MTR: variants seen among roughly 807,000 people sequenced by gnomAD.
MTR encodes 5-methyltetrahydrofolate-homocysteine methyltransferase, also known as methionine synthase.
A neutral mutation model predicts 154.8 loss-of-function variants in MTR; 84 were observed. That is an observed-to-expected ratio of 0.54 (90% CI 0.45 to 0.65). MTR has a LOEUF of 0.65. Among genes scored for constraint, MTR ranks in the 30% least tolerant of loss-of-function variants. The pLI is 0.00. For missense variants in MTR, 1,275 were observed against 1,570.2 expected (o/e 0.81, Z 3.18); for synonymous variants, 554 against 553.9 (o/e 1.00, Z 0.00).
At chr1:236,870,400 G>T (rs1357340006) in intron 22 of MTR, among the ~76,000 whole-genome samples, 12 of 152,176 alleles carry the variant, frequency 7.9e-5, no homozygotes, top group Non-Finnish European at 1.8e-4. Flanking sequence ...CTCAGCCCTT[G>T]GACCTCTTCT....
chr1:236,795,407 C>T lies in MTR; in HGVS notation c.-297C>T, dbSNP rs1439331493. 6.9e-7 allele frequency: 1 copy of T among 1,451,184 alleles called. No individual in the cohort carries two copies. Among genetic ancestry groups the T allele is most frequent in the Non-Finnish European group, 9.2e-7 (1 of 1,092,398 alleles). 89.9% of individuals were successfully genotyped at this position (1,451,184 alleles called of 1,614,324 possible). On this transcript the variant is annotated 5_prime_UTR_variant, in exon 1 of 33. Coordinates refer to ENST00000366577, the MANE Select transcript of MTR (RefSeq NM_000254.3). Reference sequence around the variant, plus strand: ...CCTTTTCCGTGCCGTCCCGCGACTCCGCCTCTGGCCGCGCGTGTCTGGCTG... The same window carrying T: ...CCTTTTCCGTGCCGTCCCGCGACTCTGCCTCTGGCCGCGCGTGTCTGGCTG...
chr1:236,795,711 C>T lies in MTR; in HGVS notation c.8C>T (p.Pro3Leu), dbSNP rs1558264971. 6.2e-7 allele frequency: 1 copy of T among 1,614,184 alleles called. No individual in the cohort carries two copies. Among genetic ancestry groups the T allele is most frequent in the Non-Finnish European group, 8.5e-7 (1 of 1,180,040 alleles). The change falls in exon 1 of 33, where the codon CCC (proline) becomes CTC (leucine). Residue 3 changes from proline (P) to leucine (L), a missense_variant. Pro to Leu is a moderately conservative substitution (Grantham distance 98). Transcript: ENST00000366577. The part of the protein sequence containing the change: MS[P>L]ALQDLSQPEG... Reference sequence around the variant, plus strand: ...AGGAGGAGACTCGACAACATGTCACCCGCGCTCCAAGACCTGTCGCAACCC... The same window carrying T: ...AGGAGGAGACTCGACAACATGTCACTCGCGCTCCAAGACCTGTCGCAACCC...
At chr1:236,852,715 C>CT (rs1663980712) in intron 17 of MTR, 78 bp downstream of exon 17, 1 of 1,325,402 alleles carries the variant, frequency 7.5e-7, no homozygotes, top group African/African-American at 1.4e-5. Context: ...GGCATGCAGG[C>CT]TAAGTCCGGC....
rs546418102 is a variant in MTR, at chr1:236,900,127, T to A, written c.*2483T>A. ...ATGTGTAAGAATGTTCATAGTTACA[T>A]ATTTATAATAGTTAATAACTGGAAA... is the stretch of plus-strand genomic sequence containing the variant. On this transcript the variant is annotated 3_prime_UTR_variant, in exon 33 of 33. Transcript: ENST00000366577. 2.6e-6 allele frequency: 1 copy of A among 386,000 alleles called. No homozygotes were observed. Among genetic ancestry groups the A allele is most frequent in the South Asian group, 2.0e-5 (1 of 50,840 alleles). The allele number at this position is 386,000 out of a possible 1,614,324, so 23.9% of individuals were successfully genotyped here. A position where few individuals can be genotyped will look rare whatever the true frequency, so the allele number is the denominator to read the frequency against.
Position 236,898,557 on chromosome 1 carries a change from A to C in MTR, c.*913A>C, listed in dbSNP as rs1572355926. On this transcript the variant is annotated 3_prime_UTR_variant, in exon 33 of 33. Transcript: ENST00000366577. Reference sequence around the variant, plus strand: ...TGGGACTACAGGTGCCCGCCACCACACCCGGCTAATTTTTTGTGTTTTTAC... The same window carrying C: ...TGGGACTACAGGTGCCCGCCACCACCCCCGGCTAATTTTTTGTGTTTTTAC... The C allele has an allele frequency of 6.6e-6, 1 of 151,682 alleles. No individual in the cohort carries two copies. Among genetic ancestry groups the C allele is most frequent in the South Asian group, 2.1e-4 (1 of 4,768 alleles). The allele number at this position is 151,682 out of a possible 1,614,324, so 9.4% of individuals were successfully genotyped here.
At chr1:236,894,293 G>A in intron 29 of MTR, 64 bp from the exon 30 acceptor site, 2 of 1,498,722 alleles carry the variant, frequency 1.3e-6, no homozygotes, top group Non-Finnish European at 9.3e-7. Flanking sequence ...GCTCTTCATG[G>A]TGTGCTGGCG....
intron 27 of MTR, among the ~76,000 whole-genome samples, chr1:236,888,474 C>T (rs1331381834): frequency 6.6e-6 from 1 of 152,222 alleles, no homozygotes; most frequent in Non-Finnish European, 1.5e-5. Context: ...CACGTATACC[C>T]ACTAGCCAGC....
At position 236,850,409 on chromosome 1, in the gene MTR, G is replaced by C. The variant is rs1251762972; in HGVS notation, c.1581G>C (p.Leu527=). 26 of 1,613,408 alleles carry C rather than the reference G, an allele frequency of 1.6e-5. No individual in the cohort carries two copies. The highest frequency in any genetic ancestry group is 2.1e-5 in the Non-Finnish European group (25 of 1,179,880). The change falls in exon 16 of 33, where the codon CTG becomes CTC. Residue 527 remains leucine (L), a synonymous_variant. Coordinates refer to ENST00000366577, the MANE Select transcript of MTR (RefSeq NM_000254.3). ...TRAYHLLVKK[L]GFNPNDIIFD... ...CCTACCATCTGCTTGTGAAAAAACT[G>C]GGCTTTAATCCAAATGACATTATTT...
At chr1:236,833,140 C>T (rs1345255484) in intron 13 of MTR, among the ~76,000 whole-genome samples, 2 of 152,194 alleles carry the variant, frequency 1.3e-5, no homozygotes, top group East Asian at 3.8e-4. Flanking sequence ...TTCCAGGAGG[C>T]TCGCTTCTGA....
intron 25 of MTR, among the ~76,000 whole-genome samples, chr1:236,881,353 C>T (rs1448382919): frequency 6.6e-6 from 1 of 152,148 alleles, no homozygotes; most frequent in African/African-American, 2.4e-5. Context: ...TGAAGCCTAA[C>T]ATTCTATCTT....
At chr1:236,825,645 A>T (rs1662246895) in intron 10 of MTR, among the ~76,000 whole-genome samples, 1 of 152,132 alleles carries the variant, frequency 6.6e-6, no homozygotes, top group South Asian at 2.1e-4. Flanking sequence ...ACTAATTGAG[A>T]CTTGGCTCTC....
At chr1:236,797,185 G>A (rs991678118) in intron 1 of MTR, among the ~76,000 whole-genome samples, 2 of 152,184 alleles carry the variant, frequency 1.3e-5, no homozygotes, top group Admixed American at 1.3e-4. Context: ...GACCTTAGAT[G>A]TAGTCCAGCT....
chr1:236,876,549 T>C (rs1008623734), intron 24 of MTR, among the ~76,000 whole-genome samples: 1 of 152,162 alleles, frequency 6.6e-6, no homozygotes, highest in Non-Finnish European at 1.5e-5. Flanking sequence ...TAAAGGAACA[T>C]AATTAAAATA....
At chr1:236,804,504 T>C (rs1660866673) in intron 2 of MTR, among the ~76,000 whole-genome samples, 1 of 152,260 alleles carries the variant, frequency 6.6e-6, no homozygotes, top group Non-Finnish European at 1.5e-5. Context: ...TCTTATAATT[T>C]GCATTTTTTA....
chr1:236,863,569 C>T lies in MTR; in HGVS notation c.2405+15C>T, dbSNP rs1167901478. The T allele has an allele frequency of 6.2e-7, 1 of 1,600,870 alleles. No homozygotes were observed. The highest frequency in any genetic ancestry group is 2.2e-5 in the East Asian group (1 of 44,818). ...AATAATTTCCGGTAAGTTAGGACCT[C>T]ACCTCTTTCAACCCCTTTTCCATTT... is the stretch of plus-strand genomic sequence containing the variant. On this transcript the variant is annotated intron_variant, in intron 22 of 32. Transcript: ENST00000366577.
intron 22 of MTR, among the ~76,000 whole-genome samples, chr1:236,867,942 G>A (rs145447349): frequency 2.2e-4 from 33 of 152,342 alleles, no homozygotes; most frequent in African/African-American, 7.5e-4. Context: ...TATGAACAGT[G>A]TTGAAATAAC....
intron 29 of MTR, among the ~76,000 whole-genome samples, chr1:236,892,308 C>G (rs908458231): frequency 6.6e-6 from 1 of 151,878 alleles, no homozygotes; most frequent in Non-Finnish European, 1.5e-5. Flanking sequence ...CCTGTCTCTA[C>G]AAAACAAATT....
chr1:236,837,400 A>G (rs1219705065), intron 14 of MTR, among the ~76,000 whole-genome samples: 6 of 152,172 alleles, frequency 3.9e-5, no homozygotes, highest in African/African-American at 1.4e-4. Flanking sequence ...TCCATGCTTC[A>G]TAGACTGGGT....
intron 22 of MTR, among the ~76,000 whole-genome samples, chr1:236,869,954 C>G (rs560533329): frequency 1.3e-5 from 2 of 152,328 alleles, no homozygotes; most frequent in East Asian, 3.9e-4. Context: ...TTTGGGCCTT[C>G]CATACATAGT....
Sources: allele counts gnomAD v4.1 joint callset (sites outside exome capture counted in the v4.1 genomes callset), GRCh38; gene constraint gnomAD v4.1.1; transcripts MANE v1.5; gene names NCBI Gene and HGNC (gene_info 2026-07-23, HGNC 2026-07-21).